The following NXN variants were observed in gnomAD, a reference collection of about 807,000 sequenced individuals.
NXN encodes the protein nucleoredoxin.
A neutral mutation model predicts 48.6 loss-of-function variants in NXN; 16 were observed. That is an observed-to-expected ratio of 0.33 (90% CI 0.22 to 0.50). The LOEUF is 0.50. Among genes scored for constraint, NXN ranks in the 20% least tolerant of loss-of-function variants. The pLI, the probability that NXN is intolerant of heterozygous loss-of-function variation, is 0.98. For missense variants in NXN, 492 were observed against 605.5 expected (o/e 0.81, Z 1.97); for synonymous variants, 281 against 269.6 (o/e 1.04, Z -0.41).
chr17:801,642 C>T (rs62069991), intron 7 of NXN, among the ~76,000 whole-genome samples: 3,810 of 152,146 alleles, frequency 0.025, 73 homozygotes, highest in Non-Finnish European at 0.035. Context: ...CGGGGTTTCA[C>T]CATGTTGGTC....
At position 855,270 on chromosome 17, in the gene NXN, G is replaced by A. The variant is rs191088964; in HGVS notation, c.361-29192C>T. Reference sequence around the variant, plus strand: ...TCCAGCTTGAGCTACAGAGCGAGACGTTATCTCAAATAAATACATAAATAA... The same window carrying A: ...TCCAGCTTGAGCTACAGAGCGAGACATTATCTCAAATAAATACATAAATAA... On this transcript the variant is annotated intron_variant, in intron 1 of 7. Transcript: ENST00000336868. Among the ~76,000 whole-genome samples, 3 of 152,188 alleles carry A rather than the reference G, an allele frequency of 2.0e-5. No homozygotes were observed. In the East Asian group the frequency reaches 5.8e-4, roughly 29 times the overall value.
chr17:832,597 A>T (rs1913545458), intron 1 of NXN, among the ~76,000 whole-genome samples: 1 of 152,042 alleles, frequency 6.6e-6, no homozygotes, highest in African/African-American at 2.4e-5. Context: ...CTAAAGAAGA[A>T]CCAGTTTCTT....
chr17:870,312 G>C (rs1057454241), intron 1 of NXN, among the ~76,000 whole-genome samples: 2 of 152,330 alleles, frequency 1.3e-5, no homozygotes, highest in African/African-American at 4.8e-5. Context: ...GGTTCTGTGA[G>C]TGTTACTAAC....
chr17:854,890 C>T (rs1251418123), intron 1 of NXN, among the ~76,000 whole-genome samples: 13 of 148,458 alleles, frequency 8.8e-5, no homozygotes, highest in Non-Finnish European at 1.8e-4. Context: ...ACCCAGGAGG[C>T]GGAGGTTGCA....
intron 5 of NXN, among the ~76,000 whole-genome samples, chr17:813,208 T>C (rs534854370): frequency 1.6e-4 from 24 of 152,260 alleles, no homozygotes; most frequent in Non-Finnish European, 2.9e-4. Flanking sequence ...CACAGTTCCT[T>C]CAGAGGTATT....
intron 1 of NXN, among the ~76,000 whole-genome samples, chr17:974,245 G>GTAGCT (rs2069428691): frequency 6.6e-6 from 1 of 151,774 alleles, no homozygotes; most frequent in South Asian, 2.1e-4. Context: ...CAGCTACTCA[G>GTAGCT]GAGGCTGAGG....
chr17:938,299 C>A (rs2068931757), intron 1 of NXN, among the ~76,000 whole-genome samples: 1 of 152,230 alleles, frequency 6.6e-6, no homozygotes, highest in Non-Finnish European at 1.5e-5. Context: ...AGATCTAGAG[C>A]AGGCGGCAAG....
At chr17:833,506 C>T (rs1338153715) in intron 1 of NXN, among the ~76,000 whole-genome samples, 2 of 152,076 alleles carry the variant, frequency 1.3e-5, no homozygotes, top group Non-Finnish European at 2.9e-5. Flanking sequence ...TGTGAGGGGC[C>T]CCTCGAGTCC....
At chr17:937,305 C>CA (rs2068918368) in intron 1 of NXN, among the ~76,000 whole-genome samples, 1 of 151,636 alleles carries the variant, frequency 6.6e-6, no homozygotes, top group South Asian at 2.1e-4. Context: ...AGGTGCAGGG[C>CA]AAAAAAGAAG....
intron 1 of NXN, among the ~76,000 whole-genome samples, chr17:929,056 G>A (rs2068828204): frequency 6.6e-6 from 1 of 152,160 alleles, no homozygotes; most frequent in Non-Finnish European, 1.5e-5. Flanking sequence ...GTTTGGCTTT[G>A]CCCAATGTCA....
At chr17:859,271 G>A (rs896989194) in intron 1 of NXN, among the ~76,000 whole-genome samples, 3 of 152,140 alleles carry the variant, frequency 2.0e-5, no homozygotes, top group East Asian at 1.9e-4. Flanking sequence ...AGTTCAAAGC[G>A]GTCGTTTGGA....
At chr17:870,073 G>A (rs55980085) in intron 1 of NXN, among the ~76,000 whole-genome samples, 17,670 of 152,098 alleles carry the variant, frequency 0.12, 1,175 homozygotes, top group African/African-American at 0.19. Context: ...ACAGTAGGTA[G>A]AAGCCAGGAT....
chr17:844,347 A>C (rs1008056543), intron 1 of NXN, among the ~76,000 whole-genome samples: 1 of 133,688 alleles, frequency 7.5e-6, no homozygotes, highest in African/African-American at 2.9e-5. Flanking sequence ...CCAGGCCATC[A>C]TACGTCCCGT....
chr17:809,920 A>C (rs80094988), intron 5 of NXN, among the ~76,000 whole-genome samples: 19,801 of 114,612 alleles, frequency 0.17, 3,052 homozygotes, highest in East Asian at 0.28. Context: ...GTGCACGTTA[A>C]GAGTCCGTGT....
intron 1 of NXN, among the ~76,000 whole-genome samples, chr17:855,565 C>T (rs771495629): frequency 1.2e-4 from 19 of 152,102 alleles, no homozygotes; most frequent in Non-Finnish European, 2.5e-4. Context: ...ATTAGCAGAA[C>T]TCTCTCTCTC....
At chr17:923,694 A>G (rs2068770104) in intron 1 of NXN, among the ~76,000 whole-genome samples, 1 of 152,240 alleles carries the variant, frequency 6.6e-6, no homozygotes, top group African/African-American at 2.4e-5. Flanking sequence ...CGCTCTTGTA[A>G]GAAAACAGAC....
intron 1 of NXN, among the ~76,000 whole-genome samples, chr17:860,148 T>C (rs1319773049): frequency 2.0e-5 from 3 of 152,134 alleles, no homozygotes; most frequent in Admixed American, 2.0e-4. Context: ...ATTTAAGACA[T>C]AGTCTTGCTC....
At position 966,273 on chromosome 17, in the gene NXN, A is replaced by T. The variant is rs139491282; in HGVS notation, c.360+13046T>A. ...AATGGGGCCCAACACAAATTTGTAA[A>T]CTTTCTTAAAACATTATGAGATTTT... On this transcript the variant is annotated intron_variant, in intron 1 of 7. Transcript: ENST00000336868. Among the ~76,000 whole-genome samples, 1,206 of 152,104 alleles carry T rather than the reference A, an allele frequency of 7.9e-3. 44 individuals are homozygous for T. Among genetic ancestry groups the T allele is most frequent in the East Asian group, 0.066 (344 of 5,174 alleles).
At chr17:953,659 C>T (rs1006979180) in intron 1 of NXN, among the ~76,000 whole-genome samples, 1 of 152,260 alleles carries the variant, frequency 6.6e-6, no homozygotes, top group Non-Finnish European at 1.5e-5. Flanking sequence ...ACACTCCCTT[C>T]TCTAAGGAGT....
Sources: gnomAD v4.1 joint callset for allele counts (sites outside exome capture counted in the v4.1 genomes callset) on GRCh38, gnomAD v4.1.1 for gene constraint, MANE v1.5 for transcripts, NCBI Gene and HGNC (gene_info 2026-07-23, HGNC 2026-07-21) for gene names.